The following GSDMC variants were observed in gnomAD, a reference collection of about 807,000 sequenced individuals.
GSDMC encodes gasdermin C, also known as gasdermin-C.
In GSDMC, 59 loss-of-function variants were observed where a neutral mutation model predicts 58.0. The observed-to-expected ratio is 1.02, with a 90% CI of 0.82 to 1.26. The LOEUF is 1.26. GSDMC is among the 50% of genes most tolerant of loss of function. GSDMC has a pLI of 0.00. For missense variants in GSDMC, 659 were observed against 598.5 expected (o/e 1.10, Z -1.06); for synonymous variants, 241 against 220.2 (o/e 1.09, Z -0.83).
Position 129,776,088 on chromosome 8 carries a change from TCC to T in GSDMC, c.404+12_404+13del, listed in dbSNP as rs1322001946. The stretch of plus-strand genomic sequence containing the variant: ...ATACTGATGATCCATCCCCTTCCTC[TCC>T]CATGGCCTCACCTTTTTTGAAAGTC... On this transcript the variant is annotated intron_variant, in intron 3 of 13. Transcript: ENST00000276708. The T allele has an allele frequency of 6.2e-7, 1 of 1,600,416 alleles. No homozygotes were observed. The highest frequency in any genetic ancestry group is 8.5e-7 in the Non-Finnish European group (1 of 1,171,702).
chr8:129,713,727 GC>G, the GSDMC span, among the ~76,000 whole-genome samples: 8 of 152,072 alleles, frequency 5.3e-5, no homozygotes, highest in Admixed American at 2.6e-4. Flanking sequence ...CAAACAGCCT[GC>G]CCCCACCATC....
intron 1 of GSDMC, among the ~76,000 whole-genome samples, chr8:129,783,324 G>C (rs1302341819): frequency 6.6e-6 from 1 of 151,946 alleles, no homozygotes; most frequent in Non-Finnish European, 1.5e-5. Flanking sequence ...TGGATGATGT[G>C]GTCTTATATA....
the GSDMC span, among the ~76,000 whole-genome samples, chr8:129,740,341 C>A: frequency 6.6e-6 from 1 of 152,162 alleles, no homozygotes; most frequent in Non-Finnish European, 1.5e-5. Context: ...ATTCACTCAC[C>A]GCTCACTCAC....
At chr8:129,770,290 T>A (rs531662467) in intron 3 of GSDMC, among the ~76,000 whole-genome samples, 25 of 151,734 alleles carry the variant, frequency 1.6e-4, no homozygotes, top group African/African-American at 5.3e-4. Flanking sequence ...AGGCCAGGAG[T>A]TCAAGACCAG....
Position 129,765,807 on chromosome 8 carries a change from G to A in GSDMC, c.405-14C>T, listed in dbSNP as rs770316036. 5.6e-6 allele frequency: 9 copies of A among 1,611,094 alleles called. No individual in the cohort carries two copies. In the South Asian group the frequency reaches 8.8e-5, roughly 16 times the overall value. On this transcript the variant is annotated splice_polypyrimidine_tract_variant and intron_variant, in intron 3 of 13. Transcript: ENST00000276708. ...TCCAACAGTTTCCTGGGGATTTAAG[G>A]AAGGAGGACAAGAGTCAGAGTGGGA... is the stretch of plus-strand genomic sequence containing the variant.
At chr8:129,728,359 C>G in the GSDMC span, among the ~76,000 whole-genome samples, 3 of 152,154 alleles carry the variant, frequency 2.0e-5, no homozygotes, top group Non-Finnish European at 4.4e-5. Context: ...AGGCGGATCT[C>G]CGGGCATCTG....
chr8:129,751,688 C>A, intron 9 of GSDMC, 120 bp from the exon 10 acceptor site: 2 of 1,101,168 alleles, frequency 1.8e-6, no homozygotes, highest in South Asian at 1.3e-5. Context: ...CTTCCTGCCC[C>A]CATTCCCATT....
downstream of GSDMC, among the ~76,000 whole-genome samples, chr8:129,744,299 T>G (rs2032921277): frequency 6.6e-6 from 1 of 152,200 alleles, no homozygotes; most frequent in Admixed American, 6.5e-5. Context: ...TTTATTTATT[T>G]GCAGAAAGAG....
chr8:129,727,239 GA>G, the GSDMC span, among the ~76,000 whole-genome samples: 1 of 152,172 alleles, frequency 6.6e-6, no homozygotes, highest in Non-Finnish European at 1.5e-5. Flanking sequence ...GTCCTTATAA[GA>G]AAAGACAATT....
At chr8:129,734,451 A>C in the GSDMC span, among the ~76,000 whole-genome samples, 1 of 152,234 alleles carries the variant, frequency 6.6e-6, no homozygotes, top group Non-Finnish European at 1.5e-5. Flanking sequence ...CCACAAAAGG[A>C]AGTCCAACAG....
downstream of GSDMC, among the ~76,000 whole-genome samples, chr8:129,747,256 CAAAA>C (rs35323267): frequency 7.4e-6 from 1 of 134,530 alleles, no homozygotes; most frequent in Admixed American, 7.4e-5. Flanking sequence ...GACTCTGTCT[CAAAA>C]AAAAAAAAAA....
At chr8:129,720,719 C>T in the GSDMC span, among the ~76,000 whole-genome samples, 1 of 152,164 alleles carries the variant, frequency 6.6e-6, no homozygotes, top group Non-Finnish European at 1.5e-5. Context: ...ATTTCATATA[C>T]ATCATCTCAT....
At chr8:129,712,770 AG>A in the GSDMC span, among the ~76,000 whole-genome samples, 3 of 152,254 alleles carry the variant, frequency 2.0e-5, no homozygotes, top group Non-Finnish European at 4.4e-5. Flanking sequence ...AGGCAACCCA[AG>A]TGAGACCTGA....
At chr8:129,753,667 C>T (rs1265429013) in intron 6 of GSDMC, among the ~76,000 whole-genome samples, 2 of 152,228 alleles carry the variant, frequency 1.3e-5, no homozygotes, top group Non-Finnish European at 2.9e-5. Flanking sequence ...AGTTCAGCCA[C>T]AGTGGTGTAG....
chr8:129,750,664 A>G, intron 10 of GSDMC, 94 bp from the exon 11 acceptor site: 2 of 1,260,804 alleles, frequency 1.6e-6, no homozygotes, highest in Non-Finnish European at 2.3e-6. Context: ...AATATGAACC[A>G]AACTCCTCTA....
Position 129,777,545 on chromosome 8 carries a change from C to T in GSDMC, c.43G>A (p.Glu15Lys), listed in dbSNP as rs1382803314. ...LERISKNLVK[E>K]IGSKDLTPVK... Reference sequence around the variant, plus strand: ...GGTGTCAGGTCTTTGCTTCCAATCTCTTTGACCAAATTTTTGCTAATGCGT... The same window carrying T: ...GGTGTCAGGTCTTTGCTTCCAATCTTTTTGACCAAATTTTTGCTAATGCGT... The change falls in exon 2 of 14, where the codon GAG (glutamate) becomes AAG (lysine). Residue 15 changes from glutamate (E) to lysine (K), a missense_variant. Transcript: ENST00000276708. 1 of 1,613,076 alleles carries T rather than the reference C, an allele frequency of 6.2e-7. No homozygotes were observed. The highest frequency in any genetic ancestry group is 2.2e-5 in the East Asian group (1 of 44,894).
At position 129,760,222 on chromosome 8, in the gene GSDMC, G is replaced by A. The variant is rs75118302; in HGVS notation, c.721+323C>T. Reference sequence around the variant, plus strand: ...CCTGAGACTGGGAAGGGTGGTGGGGGGTCTGGAGGAGAGGTAGGGATGGTT... The same window carrying A: ...CCTGAGACTGGGAAGGGTGGTGGGGAGTCTGGAGGAGAGGTAGGGATGGTT... On this transcript the variant is annotated intron_variant, in intron 6 of 13. Coordinates refer to ENST00000276708, the MANE Select transcript of GSDMC (RefSeq NM_031415.3). Among the ~76,000 whole-genome samples the A allele has an allele frequency of 5.3e-4, 80 of 152,158 alleles. No homozygotes were observed. In the East Asian group the frequency reaches 0.012, roughly 24 times the overall value.
At chr8:129,753,615 G>A (rs556293948) in intron 6 of GSDMC, among the ~76,000 whole-genome samples, 8 of 152,302 alleles carry the variant, frequency 5.3e-5, no homozygotes, top group African/African-American at 1.9e-4. Flanking sequence ...GAAAAGCAGA[G>A]GGAAAAGTAA....
Position 129,786,411 on chromosome 8 carries a change from C to A in GSDMC, c.-405G>T, listed in dbSNP as rs1186803649. ...CTGCGGTCAAGTAGAAATTGTCAGACAAACTCCAGGACCAGATCAATGTGA... is the reference window on the plus strand; with the variant it reads ...CTGCGGTCAAGTAGAAATTGTCAGAAAAACTCCAGGACCAGATCAATGTGA... On this transcript the variant is annotated 5_prime_UTR_variant, in exon 1 of 14. Transcript: ENST00000276708. 2 of 152,082 alleles carry A rather than the reference C, an allele frequency of 1.3e-5. No homozygotes were observed. The highest frequency in any genetic ancestry group is 4.8e-5 in the African/African-American group (2 of 41,398). The allele number at this position is 152,082 out of a possible 1,614,324, so 9.4% of individuals were successfully genotyped here. A position where few individuals can be genotyped will look rare whatever the true frequency, so the allele number is the denominator to read the frequency against.
Sources: allele counts gnomAD v4.1 joint callset (sites outside exome capture counted in the v4.1 genomes callset), GRCh38; gene constraint gnomAD v4.1.1; transcripts MANE v1.5; gene names NCBI Gene and HGNC (gene_info 2026-07-23, HGNC 2026-07-21).